RHBDD1: variants seen among roughly 807,000 people sequenced by gnomAD.
The protein encoded by RHBDD1 is rhomboid-related protein 4.
RHBDD1 carries 38 observed loss-of-function variants against 36.3 expected under a neutral mutation model. The ratio of observed to expected loss-of-function variants is 1.05; its 90% CI spans 0.81 to 1.37. The LOEUF (loss-of-function observed/expected upper bound fraction) is 1.37, where lower values mean the gene tolerates loss of function less well. RHBDD1 is among the 40% of genes most tolerant of loss of function. RHBDD1 has a pLI of 0.00. For missense variants in RHBDD1, 393 were observed against 377.6 expected, an observed-to-expected ratio of 1.04 and a Z score of -0.34; for synonymous variants, 151 against 136.5, an observed-to-expected ratio of 1.11 and a Z score of -0.74.
chr2:226,837,291 T>C (rs538984030), intron 1 of RHBDD1, among the ~76,000 whole-genome samples: 30 of 152,284 alleles, frequency 2.0e-4, no homozygotes, highest in African/African-American at 7.0e-4. Flanking sequence ...AATAAGTACA[T>C]AGTTTGTGCT....
intron 8 of RHBDD1, among the ~76,000 whole-genome samples, chr2:226,970,142 CTCCTAGGATAT>C (rs1297732168): frequency 2.6e-5 from 4 of 151,832 alleles, no homozygotes; most frequent in Non-Finnish European, 4.4e-5. Context: ...ATCACATGGC[CTCCTAGGATAT>C]ACTTCTGCAC....
At chr2:226,857,021 G>C (rs775576229) in intron 3 of RHBDD1, among the ~76,000 whole-genome samples, 3 of 152,074 alleles carry the variant, frequency 2.0e-5, no homozygotes, top group Non-Finnish European at 4.4e-5. Flanking sequence ...CAGTTTCTGT[G>C]TGGTTTCACC....
At chr2:226,966,215 AT>A (rs777429043) in intron 8 of RHBDD1, among the ~76,000 whole-genome samples, 1 of 152,202 alleles carries the variant, frequency 6.6e-6, no homozygotes, top group Non-Finnish European at 1.5e-5. Flanking sequence ...TCTTGGAGCT[AT>A]GGAGAGTTCC....
chr2:226,907,006 C>T (rs1285406149), intron 6 of RHBDD1, 125 bp downstream of exon 6: 1 of 955,668 alleles, frequency 1.0e-6, no homozygotes, highest in African/African-American at 1.6e-5. Context: ...GCCTGTTTTT[C>T]TTTTTAAACC....
At chr2:226,952,294 T>TTTTTTTTTTTTTTTTTTTTTTTTG in intron 8 of RHBDD1, among the ~76,000 whole-genome samples, 1 of 1,138 alleles carries the variant, frequency 8.8e-4, no homozygotes, top group Non-Finnish European at 3.4e-3. Context: ...TTTGGTTTGG[T>TTTTTTTTTTTTTTTTTTTTTTTTG]TTTTTTTTTT....
At chr2:226,971,668 G>A (rs1427306749) in intron 8 of RHBDD1, among the ~76,000 whole-genome samples, 1 of 152,148 alleles carries the variant, frequency 6.6e-6, no homozygotes, top group East Asian at 1.9e-4. Flanking sequence ...CAAATATTCA[G>A]ACAAGTTTCT....
At chr2:226,945,555 A>G (rs1189287393) in intron 8 of RHBDD1, among the ~76,000 whole-genome samples, 1 of 152,108 alleles carries the variant, frequency 6.6e-6, no homozygotes, top group Admixed American at 6.5e-5. Context: ...TATCCAGCCT[A>G]TCGTTGATGG....
In RHBDD1 at chr2:226,849,614, C is replaced by T. The variant is rs1034748720; in HGVS notation, c.-91+9987C>T. On this transcript the variant is annotated intron_variant, in intron 3 of 8. Transcript: ENST00000392062. ...TTTGATGAAGTGCTTTCTCTGGCCC[C>T]GGATGTCCTCTTTGCCTTCTATGAC... Among the ~76,000 whole-genome samples the T allele has an allele frequency of 4.6e-5, 7 of 152,232 alleles. No individual in the cohort carries two copies. The South Asian group carries it at 6.2e-4, about 13-fold the overall frequency.
In RHBDD1 at chr2:226,854,716, T is replaced by C. The variant is rs568938560; in HGVS notation, c.-90-9888T>C. Reference sequence around the variant, plus strand: ...GTCCATTCCATTAATTATGACACTATTCATCGTTTTTTTAAATCTACTTAA... The same window carrying C: ...GTCCATTCCATTAATTATGACACTACTCATCGTTTTTTTAAATCTACTTAA... On this transcript the variant is annotated intron_variant, in intron 3 of 8. Coordinates refer to ENST00000392062, the MANE Select transcript of RHBDD1 (RefSeq NM_001167608.3). Among the ~76,000 whole-genome samples, 3 of 152,154 alleles carry C rather than the reference T, an allele frequency of 2.0e-5. No individual in the cohort carries two copies. In the South Asian group the frequency reaches 6.2e-4, roughly 32 times the overall value.
chr2:226,816,375 CAAAAAAAAAAA>C, the RHBDD1 span, among the ~76,000 whole-genome samples: 7 of 64,956 alleles, frequency 1.1e-4, no homozygotes, highest in Admixed American at 1.7e-4. Flanking sequence ...GGAATGGTGG[CAAAAAAAAAAA>C]AAAAAAAAAA....
chr2:226,805,939 A>G, the RHBDD1 span, among the ~76,000 whole-genome samples: 1 of 152,146 alleles, frequency 6.6e-6, no homozygotes, highest in South Asian at 2.1e-4. Flanking sequence ...GTAATGATGG[A>G]TATTCCGTGC....
intron 8 of RHBDD1, among the ~76,000 whole-genome samples, chr2:226,962,326 C>T (rs1243295377): frequency 6.6e-6 from 1 of 152,210 alleles, no homozygotes; most frequent in East Asian, 1.9e-4. Context: ...AAAGTCTTTG[C>T]GTCTTTCCAA....
At chr2:226,935,308 C>G (rs1950266062) in intron 8 of RHBDD1, 1 of 152,022 alleles carries the variant, frequency 6.6e-6, no homozygotes, top group Non-Finnish European at 1.5e-5. Flanking sequence ...CCTTTGAATC[C>G]TGTTTATGAG....
chr2:226,951,379 A>G (rs1245971722), intron 8 of RHBDD1, among the ~76,000 whole-genome samples: 2 of 152,202 alleles, frequency 1.3e-5, no homozygotes, highest in South Asian at 2.1e-4. Context: ...CAGTACTTCA[A>G]TAGTTTAGTT....
chr2:226,860,313 CA>C (rs1450837159), intron 3 of RHBDD1, among the ~76,000 whole-genome samples: 2 of 152,112 alleles, frequency 1.3e-5, no homozygotes, highest in East Asian at 3.9e-4. Context: ...GGTCTGGATA[CA>C]AGTTAGAATA....
chr2:226,992,618 A>G (rs1958494820), intron 8 of RHBDD1, among the ~76,000 whole-genome samples: 1 of 152,188 alleles, frequency 6.6e-6, no homozygotes, highest in Non-Finnish European at 1.5e-5. Flanking sequence ...TACGTCTTTG[A>G]TATCAGCAGA....
intron 5 of RHBDD1, among the ~76,000 whole-genome samples, chr2:226,867,875 C>A (rs2125262803): frequency 6.6e-6 from 1 of 152,146 alleles, no homozygotes; most frequent in Non-Finnish European, 1.5e-5. Context: ...TGTGCCACCA[C>A]ACCTGGCTAA....
intron 4 of RHBDD1, 40 bp downstream of exon 4, chr2:226,865,166 A>AT: frequency 6.8e-7 from 1 of 1,460,476 alleles, no homozygotes. Context: ...GCATAAAGGA[A>AT]GCAAGGGAGG....
chr2:226,918,496 T>C (rs1216819242), intron 8 of RHBDD1, among the ~76,000 whole-genome samples: 1 of 152,030 alleles, frequency 6.6e-6, no homozygotes, highest in African/African-American at 2.4e-5. Flanking sequence ...GGTAACCGTC[T>C]TTTCACTCTC....
Sources: gnomAD v4.1 joint callset for allele counts (sites outside exome capture counted in the v4.1 genomes callset) on GRCh38, gnomAD v4.1.1 for gene constraint, MANE v1.5 for transcripts, NCBI Gene and HGNC (gene_info 2026-07-23, HGNC 2026-07-21) for gene names.